The following ANK3 variants were observed in gnomAD, a reference collection of about 807,000 sequenced individuals.
The protein encoded by ANK3 is ankyrin 3.
In ANK3, 57 loss-of-function variants were observed where a neutral mutation model predicts 370.9. The ratio of observed to expected loss-of-function variants is 0.15; its 90% CI spans 0.12 to 0.19. ANK3 has a LOEUF of 0.19. ANK3 is among the 10% of genes least tolerant of loss of function. The pLI is 1.00. For synonymous variants in ANK3, 1,929 were observed against 1,946.3 expected (o/e 0.99, Z 0.23); for missense variants, 4,439 against 5,302.1 (o/e 0.84, Z 5.06).
chr10:60,483,262 A>G (rs956549997), intron 2 of ANK3, among the ~76,000 whole-genome samples: 1 of 152,210 alleles, frequency 6.6e-6, no homozygotes, highest in Non-Finnish European at 1.5e-5. Flanking sequence ...CAGAAGCATG[A>G]AATACCATGA....
At chr10:60,334,860 T>C (rs2052400660) in intron 1 of ANK3, among the ~76,000 whole-genome samples, 1 of 152,158 alleles carries the variant, frequency 6.6e-6, no homozygotes, top group Non-Finnish European at 1.5e-5. Context: ...ATTCAGGAGA[T>C]TCATGAACCT....
intron 2 of ANK3, among the ~76,000 whole-genome samples, chr10:60,563,037 C>G (rs2077375325): frequency 6.6e-6 from 1 of 151,978 alleles, no homozygotes; most frequent in South Asian, 2.1e-4. Flanking sequence ...TGATTATGAA[C>G]AACAAAAAAT....
intron 24 of ANK3, among the ~76,000 whole-genome samples, chr10:60,137,061 A>G (rs1178283603): frequency 1.3e-5 from 2 of 152,176 alleles, no homozygotes; most frequent in Admixed American, 1.3e-4. Context: ...AAACCCAGTG[A>G]AATTCCTTTA....
chr10:60,086,983 C>CACA, intron 29 of ANK3, 99 bp from the exon 30 acceptor site: 1 of 164,594 alleles, frequency 6.1e-6, no homozygotes, highest in Non-Finnish European at 8.3e-6. Flanking sequence ...AAAACAAAAA[C>CACA]AGACAACCAA....
At chr10:60,684,807 C>T in intron 1 of ANK3, 2 of 1,539,212 alleles carry the variant, frequency 1.3e-6, no homozygotes, top group African/African-American at 2.7e-5. Context: ...TTCTTATGGA[C>T]TCTGTTGATA....
At chr10:60,370,310 GA>G (rs1360319879) in intron 1 of ANK3, among the ~76,000 whole-genome samples, 3 of 152,022 alleles carry the variant, frequency 2.0e-5, no homozygotes, top group Admixed American at 1.3e-4. Context: ...CTAAACTTCT[GA>G]AAATTAAACT....
rs574041419 is a variant in ANK3, at chr10:60,688,529, A to G, written c.57+44734T>C. 3.3e-5 allele frequency among the ~76,000 whole-genome samples: 5 copies of G among 152,326 alleles called. No homozygotes were observed. In the South Asian group the frequency reaches 6.2e-4, roughly 19 times the overall value. On this transcript the variant is annotated intron_variant, in intron 1 of 43. Transcript: ENST00000373827. ...ACCACAAGGAAAAGCTTTAAAATTG[A>G]TATAGCTAGATTTTATTTCTGTCAG...
intron 28 of ANK3, among the ~76,000 whole-genome samples, chr10:60,096,276 GCC>G (rs1217213449): frequency 6.6e-6 from 1 of 152,096 alleles, no homozygotes; most frequent in Admixed American, 6.6e-5. Flanking sequence ...AATGAACAGT[GCC>G]AATATTCTTT....
Position 60,602,625 on chromosome 10 carries a change from A to T in ANK3, c.96+12561T>A, listed in dbSNP as rs116184925. Among the ~76,000 whole-genome samples, 310 of 152,198 alleles carry T rather than the reference A, an allele frequency of 2.0e-3. 1 individual carries two copies. The highest frequency in any genetic ancestry group is 7.0e-3 in the African/African-American group (290 of 41,534). Reference sequence around the variant, plus strand: ...AAATTGGGATATATGGACCCCTCCAAATGGGTCTGTGGATAGAGCTTGGAT... The same window carrying T: ...AAATTGGGATATATGGACCCCTCCATATGGGTCTGTGGATAGAGCTTGGAT... On this transcript the variant is annotated intron_variant, in intron 2 of 43. Coordinates refer to the ANK3 transcript ENST00000373827.
At position 60,076,025 on chromosome 10, in the gene ANK3, G is replaced by T. The variant is rs778232100; in HGVS notation, c.4856C>A (p.Thr1619Lys). The change falls in exon 37 of 44, where the codon ACG becomes AAG. Residue 1619 changes from threonine (T) to lysine (K), a missense_variant. Thr to Lys is a moderately conservative substitution (Grantham distance 78). Around this residue, in one of 13 missense-constraint regions of ANK3, gnomAD observed 679 missense variants for 791.0 expected, o/e 0.86. Transcript: ENST00000280772. ...TPLKGLASNS[T>K]FSSRTSPVTT... Reference sequence around the variant, plus strand: ...CACTGGAGAGGTTCGAGAGGAAAACGTAGAATTGGATGCCAGCCCTTTTAA... The same window carrying T: ...CACTGGAGAGGTTCGAGAGGAAAACTTAGAATTGGATGCCAGCCCTTTTAA... The T allele has an allele frequency of 3.7e-6, 6 of 1,614,236 alleles. No individual in the cohort carries two copies. Among genetic ancestry groups the T allele is most frequent in the Non-Finnish European group, 5.1e-6 (6 of 1,180,024 alleles).
chr10:60,464,495 A>C (rs1435206551), intron 2 of ANK3, among the ~76,000 whole-genome samples: 1 of 133,122 alleles, frequency 7.5e-6, no homozygotes, highest in East Asian at 2.1e-4. Context: ...CTGTCTCTAT[A>C]AGAACACTCT....
At chr10:60,554,959 C>G (rs1030721473) in intron 2 of ANK3, among the ~76,000 whole-genome samples, 1 of 152,140 alleles carries the variant, frequency 6.6e-6, no homozygotes, top group Non-Finnish European at 1.5e-5. Context: ...CAAGTTGATT[C>G]TCTCCGCAGA....
rs1023171406 is a variant in ANK3 at position 60,572,927 on chromosome 10, C to A, written c.96+42259G>T. On this transcript the variant is annotated intron_variant, in intron 2 of 43. Coordinates refer to the ANK3 transcript ENST00000373827. ...GAGAGAGAGAGACACACACACACAC[C>A]CTCACACACACAGAAATAAGCTACA... 4.2e-5 allele frequency: 42 copies of A among 998,882 alleles called. No homozygotes were observed. The African/African-American group carries it at 6.6e-4, about 16-fold the overall frequency. The allele number at this position is 998,882 out of a possible 1,614,324, so 61.9% of individuals were successfully genotyped here. A position where few individuals can be genotyped will look rare whatever the true frequency, so the allele number is the denominator to read the frequency against.
intron 2 of ANK3, among the ~76,000 whole-genome samples, chr10:60,442,583 T>A (rs1368600970): frequency 6.6e-6 from 1 of 152,230 alleles, no homozygotes; most frequent in African/African-American, 2.4e-5. Context: ...ATATGTAACC[T>A]ATGGATGTTG....
At chr10:60,313,922 GTTTTT>G (rs1241898382) in intron 1 of ANK3, among the ~76,000 whole-genome samples, 1 of 124,118 alleles carries the variant, frequency 8.1e-6, no homozygotes, top group Admixed American at 8.5e-5. Flanking sequence ...CCTCTGTTTT[GTTTTT>G]GTTTTTTTTT....
chr10:60,497,158 A>G (rs2075679950), intron 2 of ANK3, among the ~76,000 whole-genome samples: 1 of 152,158 alleles, frequency 6.6e-6, no homozygotes, highest in South Asian at 2.1e-4. Flanking sequence ...TAAAAAATCA[A>G]CCAGGTGTGG....
At chr10:60,256,354 T>C (rs1184569462) in intron 7 of ANK3, among the ~76,000 whole-genome samples, 1 of 152,220 alleles carries the variant, frequency 6.6e-6, no homozygotes. Flanking sequence ...AGATGCTCTA[T>C]AAATATTGCT....
At chr10:60,515,742 C>G (rs2076201927) in intron 2 of ANK3, among the ~76,000 whole-genome samples, 2 of 152,098 alleles carry the variant, frequency 1.3e-5, no homozygotes, top group Admixed American at 1.3e-4. Context: ...CATATTCTAC[C>G]TTGCTTAGAG....
chr10:60,503,439 G>T (rs547486103), intron 2 of ANK3, among the ~76,000 whole-genome samples: 1 of 152,218 alleles, frequency 6.6e-6, no homozygotes, highest in South Asian at 2.1e-4. Context: ...TAAGGCCAAG[G>T]TCTATTATTA....
Sources: allele counts gnomAD v4.1 joint callset (sites outside exome capture counted in the v4.1 genomes callset), GRCh38; gene constraint gnomAD v4.1.1; regional missense constraint gnomAD v4.1.1; transcripts MANE v1.5; gene names NCBI Gene and HGNC (gene_info 2026-07-23, HGNC 2026-07-21).